Variants in TEX11 observed in about 807,000 individuals in gnomAD.
The protein encoded by TEX11 is testis-expressed protein 11.
TEX11 carries 7 observed loss-of-function variants against 84.4 expected under a neutral mutation model. The observed-to-expected ratio is 0.08, with a 90% CI of 0.05 to 0.16. The LOEUF (loss-of-function observed/expected upper bound fraction) is 0.16. TEX11 is among the 10% of genes least tolerant of loss of function. TEX11 has a pLI of 1.00. For synonymous variants in TEX11, 264 were observed against 222.8 expected (o/e 1.18, Z -1.64); for missense variants, 551 against 660.5 (o/e 0.83, Z 1.82).
intron 17 of TEX11, among the ~76,000 whole-genome samples, chrX:70,642,252 G>C (rs905127584): frequency 4.5e-5 from 5 of 111,614 alleles, no homozygotes; most frequent in Non-Finnish European, 7.5e-5. Flanking sequence ...ATCAATAACA[G>C]GATCTGATAT....
At chrX:70,541,922 T>C (rs1323905014) in intron 28 of TEX11, among the ~76,000 whole-genome samples, 15 of 112,243 alleles carry the variant, frequency 1.3e-4, no homozygotes, top group African/African-American at 4.9e-4. Context: ...CATAGGTTGA[T>C]AGGTTTGTCT....
intron 8 of TEX11, among the ~76,000 whole-genome samples, chrX:70,831,303 T>C (rs1230940656): frequency 1.8e-5 from 2 of 110,061 alleles, no homozygotes; most frequent in Admixed American, 2.0e-4. Flanking sequence ...TGCCAGGGGG[T>C]TGGGGAATGG....
chrX:70,829,258 G>T (rs1569450995), intron 8 of TEX11, among the ~76,000 whole-genome samples: 4 of 111,507 alleles, frequency 3.6e-5, no homozygotes, highest in Admixed American at 1.9e-4. Flanking sequence ...GAGGCAGGTG[G>T]ATCGCCTGAG....
In TEX11 at chrX:70,815,628, C is replaced by T. The variant is rs921300370; in HGVS notation, c.607-8838G>A. ...AATTTATCAGAGGTATGTATATATA[C>T]GAAAAAACATAGTATATATAGGATT... On this transcript the variant is annotated intron_variant, in intron 8 of 29. Transcript: ENST00000374333. Among the ~76,000 whole-genome samples the T allele has an allele frequency of 1.1e-4, 12 of 111,180 alleles. No homozygotes were observed. In the South Asian group the frequency reaches 1.1e-3, roughly 11 times the overall value.
At chrX:70,753,186 C>T (rs1454795365) in intron 9 of TEX11, among the ~76,000 whole-genome samples, 2 of 66,918 alleles carry the variant, frequency 3.0e-5, no homozygotes, top group Non-Finnish European at 5.1e-5. Context: ...CCAGAGTCAC[C>T]GGAATTTGGG....
At chrX:70,539,281 G>A (rs903271988) in intron 28 of TEX11, among the ~76,000 whole-genome samples, 21 of 108,039 alleles carry the variant, frequency 1.9e-4, no homozygotes, top group Non-Finnish European at 3.8e-4. Context: ...TAATCCATCC[G>A]CCTCGGCCTC....
intron 21 of TEX11, among the ~76,000 whole-genome samples, chrX:70,609,773 AC>A (rs1241645951): frequency 4.5e-5 from 5 of 111,714 alleles, no homozygotes. Context: ...TAAGATATGA[AC>A]TTTTTGGTGT....
chrX:70,593,056 A>AAC (rs56116828), intron 24 of TEX11, among the ~76,000 whole-genome samples: 4,095 of 95,908 alleles, frequency 0.043, 88 homozygotes, highest in East Asian at 0.1. Context: ...AGAGCATTTT[A>AAC]ACACACACAC....
chrX:70,611,231 A>G (rs1009536710), intron 20 of TEX11, among the ~76,000 whole-genome samples: 4 of 112,094 alleles, frequency 3.6e-5, no homozygotes, highest in African/African-American at 1.3e-4. Flanking sequence ...AACAAGTAAA[A>G]CGCTGAACAC....
chrX:70,885,197 G>A (rs1305960283), intron 2 of TEX11, among the ~76,000 whole-genome samples: 1 of 111,439 alleles, frequency 9.0e-6, no homozygotes, highest in Non-Finnish European at 1.9e-5. Context: ...TCCTGTACAA[G>A]ACAAGCCCAT....
intron 11 of TEX11, among the ~76,000 whole-genome samples, chrX:70,729,818 G>C (rs2090630609): frequency 9.0e-6 from 1 of 110,571 alleles, no homozygotes; most frequent in African/African-American, 3.3e-5. Context: ...ACGCCACAAA[G>C]ATATGCCTCG....
At position 70,750,937 on chromosome X, in the gene TEX11, T is replaced by A. The variant is rs1216380804; in HGVS notation, c.693-6718A>T. 8.7e-3 allele frequency among the ~76,000 whole-genome samples: 413 copies of A among 47,730 alleles called. 7 individuals carry two copies. Among genetic ancestry groups the A allele is most frequent in the African/African-American group, 0.033 (315 of 9,453 alleles). 41.4% of individuals were successfully genotyped at this position (47,730 alleles called of 115,157 possible). On this transcript the variant is annotated intron_variant, in intron 9 of 29. Coordinates refer to ENST00000374333, the MANE Select transcript of TEX11 (RefSeq NM_031276.3). ...AAAGTATAATAAAAAAAAAAAAATA[T>A]ATATATATATATATATATATATATA...
chrX:70,661,348 A>G, intron 16 of TEX11, among the ~76,000 whole-genome samples: 1 of 112,461 alleles, frequency 8.9e-6, no homozygotes, highest in South Asian at 3.7e-4. Flanking sequence ...GCCATTGCCC[A>G]GGCTTGAGTA....
intron 11 of TEX11, among the ~76,000 whole-genome samples, chrX:70,730,341 A>G (rs2090636541): frequency 8.9e-6 from 1 of 112,087 alleles, no homozygotes; most frequent in Non-Finnish European, 1.9e-5. Context: ...TGCTCCAATT[A>G]AAAGACACAG....
chrX:70,724,353 G>T, intron 12 of TEX11: 1 of 353,482 alleles, frequency 2.8e-6, no homozygotes, highest in South Asian at 1.5e-4. Flanking sequence ...TAAGTGATTG[G>T]CTAAAATTCT....
chrX:70,778,680 G>A (rs1049585907), intron 9 of TEX11, among the ~76,000 whole-genome samples: 6 of 110,636 alleles, frequency 5.4e-5, no homozygotes, highest in Non-Finnish European at 1.1e-4. Flanking sequence ...TTTTCTGGTA[G>A]AGACAAGGTC....
At position 70,568,307 on chromosome X, in the gene TEX11, G is replaced by A. The variant is rs1476624566; in HGVS notation, c.2141-13507C>T. 7.2e-5 allele frequency among the ~76,000 whole-genome samples: 8 copies of A among 110,457 alleles called. No homozygotes were observed. In the East Asian group the frequency reaches 1.4e-3, roughly 20 times the overall value. ...TTTGAGCCTATGTGTGTCTCTGCATGTGAGATGGGTTTCCTGAATACAGCA... is the reference window on the plus strand; with the variant it reads ...TTTGAGCCTATGTGTGTCTCTGCATATGAGATGGGTTTCCTGAATACAGCA... On this transcript the variant is annotated intron_variant, in intron 25 of 29. Transcript: ENST00000374333.
chrX:70,857,687 T>C (rs1415040132), intron 5 of TEX11, among the ~76,000 whole-genome samples: 4 of 112,155 alleles, frequency 3.6e-5, no homozygotes, highest in African/African-American at 6.5e-5. Context: ...CAGTGCCTGA[T>C]GGCAAAAGTG....
intron 9 of TEX11, among the ~76,000 whole-genome samples, chrX:70,752,524 C>CAAAAAAAAAAAAAAAAAAAAAA (rs753939405): frequency 1.4e-4 from 4 of 28,136 alleles, no homozygotes; most frequent in Non-Finnish European, 2.1e-4. Context: ...TACTCTGTCT[C>CAAAAAAAAAAAAAAAAAAAAAA]AAAAAAAAAA....
Sources: allele counts gnomAD v4.1 joint callset (sites outside exome capture counted in the v4.1 genomes callset), GRCh38; gene constraint gnomAD v4.1.1; transcripts MANE v1.5; gene names NCBI Gene and HGNC (gene_info 2026-07-23, HGNC 2026-07-21).